PDGFRA: variants seen among roughly 807,000 people sequenced by gnomAD.
PDGFRA encodes the protein platelet-derived growth factor receptor alpha.
PDGFRA carries 25 observed loss-of-function variants against 121.5 expected under a neutral mutation model. That is an observed-to-expected ratio of 0.21 (90% confidence interval 0.15 to 0.29). The LOEUF is 0.29. Among genes scored for constraint, PDGFRA ranks in the 10% least tolerant of loss-of-function variants. The pLI is 1.00. For synonymous variants in PDGFRA, 463 were observed against 494.8 expected (o/e 0.94, Z 0.85); for missense variants, 1,008 against 1,345.1 (o/e 0.75, Z 3.92).
chr4:54,265,286 A>T, intron 5 of PDGFRA: 1 of 475,240 alleles, frequency 2.1e-6, no homozygotes, highest in Non-Finnish European at 3.9e-6. Context: ...AGTGTGCCGT[A>T]AGCCTTCTTT....
At chr4:54,294,122 T>C (rs1320401062) in intron 22 of PDGFRA, among the ~76,000 whole-genome samples, 1 of 152,150 alleles carries the variant, frequency 6.6e-6, no homozygotes, top group African/African-American at 2.4e-5. Flanking sequence ...TGGGACACAG[T>C]GGCCCATCAG....
chr4:54,229,516 A>T, intron 1 of PDGFRA, 101 bp downstream of exon 1: 1 of 160,886 alleles, frequency 6.2e-6, no homozygotes, highest in Non-Finnish European at 1.1e-5. Context: ...GGGCGACAAG[A>T]AAAAAAAAAA....
chr4:54,255,897 G>C (rs1046427545), intron 1 of PDGFRA, among the ~76,000 whole-genome samples: 8 of 152,154 alleles, frequency 5.3e-5, no homozygotes, highest in African/African-American at 1.4e-4. Flanking sequence ...GTCAGTGATG[G>C]AACAAATTGA....
At chr4:54,248,669 T>A (rs1451726871) in intron 1 of PDGFRA, among the ~76,000 whole-genome samples, 1 of 152,192 alleles carries the variant, frequency 6.6e-6, no homozygotes, top group Non-Finnish European at 1.5e-5. Flanking sequence ...AAGGACTTCA[T>A]GTCTAAAACA....
At position 54,277,483 on chromosome 4, in the gene PDGFRA, A is replaced by G; in HGVS notation, c.1882A>G (p.Met628Val). Reference protein sequence around the residue: ...SQPVMKVAVKMLKPTARSSEK... With the variant: ...SQPVMKVAVKVLKPTARSSEK... ...ACCTGTCATGAAAGTTGCAGTGAAG[A>G]TGCTAAAACGTAAGTGCTCCTTCCT... is the stretch of plus-strand genomic sequence containing the variant. Residue 628 changes from methionine to valine, a missense_variant, in exon 13 of 23, where the codon ATG (methionine) becomes GTG (valine). Met to Val is a conservative substitution (Grantham distance 21). Transcript: ENST00000257290. 1 of 1,610,880 alleles carries G rather than the reference A, an allele frequency of 6.2e-7. No homozygotes were observed. The highest frequency in any genetic ancestry group is 8.5e-7 in the Non-Finnish European group (1 of 1,177,044).
chr4:54,285,260 C>A, intron 16 of PDGFRA, 111 bp from the exon 17 acceptor site: 1 of 717,014 alleles, frequency 1.4e-6, no homozygotes. Context: ...TCTAAACATT[C>A]TACAAAAAAA....
intron 5 of PDGFRA, among the ~76,000 whole-genome samples, chr4:54,266,270 G>A (rs1250948484): frequency 2.0e-5 from 3 of 152,100 alleles, no homozygotes; most frequent in Non-Finnish European, 2.9e-5. Flanking sequence ...GATTATAAAA[G>A]TAATGCAGGT....
rs1270402054 is a variant in PDGFRA, at chr4:54,296,184, C to G, written c.*912C>G. ...AATTTTTAACTGTACTGAATAGGTT[C>G]CCCAATCCATCGTATTAAAAAACAA... On this transcript the variant is annotated 3_prime_UTR_variant, in exon 23 of 23. Transcript: ENST00000257290. The G allele has an allele frequency of 4.3e-6, 1 of 232,876 alleles. No individual in the cohort carries two copies. Among genetic ancestry groups the G allele is most frequent in the Admixed American group, 5.6e-5 (1 of 17,776 alleles). The allele number at this position is 232,876 out of a possible 1,614,324, so 14.4% of individuals were successfully genotyped here. A position where few individuals can be genotyped will look rare whatever the true frequency, so the allele number is the denominator to read the frequency against.
At chr4:54,264,008 TTA>T in intron 4 of PDGFRA, 81 bp downstream of exon 4, 5 of 1,260,696 alleles carry the variant, frequency 4.0e-6, no homozygotes, top group South Asian at 1.3e-5. Flanking sequence ...TTTTTTTTTT[TTA>T]AATCATCATC....
At chr4:54,262,296 C>A (rs1318860448) in intron 3 of PDGFRA, among the ~76,000 whole-genome samples, 5 of 151,958 alleles carry the variant, frequency 3.3e-5, no homozygotes, top group Non-Finnish European at 7.4e-5. Flanking sequence ...AACTCCTGGG[C>A]TCAAGTGATC....
intron 1 of PDGFRA, among the ~76,000 whole-genome samples, chr4:54,252,467 TA>T (rs757078590): frequency 3.9e-5 from 6 of 152,202 alleles, no homozygotes; most frequent in Admixed American, 6.6e-5. Context: ...CAGGCTCTGG[TA>T]GGGTGCAGAG....
chr4:54,271,080 G>T (rs1723326370), intron 8 of PDGFRA, among the ~76,000 whole-genome samples: 1 of 152,158 alleles, frequency 6.6e-6, no homozygotes, highest in African/African-American at 2.4e-5. Context: ...TGGGATTACA[G>T]GTGTGAGCCA....
At chr4:54,230,823 A>AC (rs1259964488) in intron 1 of PDGFRA, among the ~76,000 whole-genome samples, 4 of 151,592 alleles carry the variant, frequency 2.6e-5, no homozygotes, top group Admixed American at 2.0e-4. Flanking sequence ...TCTGCTGTCT[A>AC]CCCCCATGGA....
intron 1 of PDGFRA, among the ~76,000 whole-genome samples, chr4:54,230,900 C>T (rs2110161793): frequency 6.6e-6 from 1 of 152,338 alleles, no homozygotes; most frequent in African/African-American, 2.4e-5. Flanking sequence ...GTCCATTTGG[C>T]ATTGAATATG....
intron 1 of PDGFRA, among the ~76,000 whole-genome samples, chr4:54,236,436 T>A (rs112591060): frequency 6.6e-6 from 1 of 152,206 alleles, no homozygotes; most frequent in Non-Finnish European, 1.5e-5. Context: ...TTTTCTTCAT[T>A]ACCTCCCTGT....
rs138929755 is a variant in PDGFRA, at chr4:54,258,779, C to G, written c.11C>G (p.Ser4Cys). Residue 4 changes from serine to cysteine, a missense_variant, in exon 2 of 23, where the codon TCC becomes TGC. This residue lies in a region of PDGFRA where 575 missense variants were observed against 701.8 expected (regional missense o/e 0.82). Coordinates refer to ENST00000257290, the MANE Select transcript of PDGFRA (RefSeq NM_006206.6). Reference protein sequence around the residue: MGTSHPAFLVLGCL... With the variant: MGTCHPAFLVLGCL... ...TAGTTTCCCAGAGCTATGGGGACTT[C>G]CCATCCGGCGTTCCTGGTCTTAGGC... 8 of 1,613,392 alleles carry G rather than the reference C, an allele frequency of 5.0e-6. No individual in the cohort carries two copies. The highest frequency in any genetic ancestry group is 2.2e-5 in the South Asian group (2 of 91,064).
chr4:54,284,738 A>G (rs1724235583), intron 16 of PDGFRA, among the ~76,000 whole-genome samples: 1 of 152,016 alleles, frequency 6.6e-6, no homozygotes, highest in African/African-American at 2.4e-5. Flanking sequence ...CCCACCTCCA[A>G]TACTGGGGAT....
In PDGFRA at chr4:54,273,527, T is replaced by G. The variant is rs371291000; in HGVS notation, c.1365-10T>G. On this transcript the variant is annotated splice_polypyrimidine_tract_variant and intron_variant, in intron 9 of 22. Coordinates refer to ENST00000257290, the MANE Select transcript of PDGFRA (RefSeq NM_006206.6). ...AATTGGCCCTATACTTAGGCCCTTT[T>G]TCTCTCTAGATGTAATAATGAAACT... The G allele has an allele frequency of 3.4e-5, 55 of 1,612,918 alleles. No individual in the cohort carries two copies. In the African/African-American group the frequency reaches 6.3e-4, roughly 18 times the overall value.
At chr4:54,241,748 C>T (rs1165617480) in intron 1 of PDGFRA, among the ~76,000 whole-genome samples, 2 of 151,980 alleles carry the variant, frequency 1.3e-5, no homozygotes, top group African/African-American at 4.8e-5. Flanking sequence ...GGGGTTTCAT[C>T]ATGTTTGTCA....
Sources: allele counts gnomAD v4.1 joint callset (sites outside exome capture counted in the v4.1 genomes callset), GRCh38; gene constraint gnomAD v4.1.1; regional missense constraint gnomAD v4.1.1; transcripts MANE v1.5; gene names NCBI Gene and HGNC (gene_info 2026-07-23, HGNC 2026-07-21).